The following POLK variants were observed in gnomAD, a reference collection of about 807,000 sequenced individuals.
POLK encodes polymerase (DNA directed) kappa.
A neutral mutation model predicts 94.0 loss-of-function variants in POLK; 76 were observed. That is an observed-to-expected ratio of 0.81 (90% CI 0.67 to 0.98). The LOEUF (loss-of-function observed/expected upper bound fraction) is 0.98. POLK is among the 50% of genes least tolerant of loss of function. The pLI is 0.00. For missense variants in POLK, 954 were observed against 1,010.1 expected, an observed-to-expected ratio of 0.94 and a Z score of 0.75; for synonymous variants, 349 against 325.4, an observed-to-expected ratio of 1.07 and a Z score of -0.78.
At chr5:75,569,665 C>T (rs574840358) in intron 4 of POLK, among the ~76,000 whole-genome samples, 173 bp downstream of exon 4, 1 of 152,126 alleles carries the variant, frequency 6.6e-6, no homozygotes, top group Non-Finnish European at 1.5e-5. Context: ...AGGCAGGGGA[C>T]CCCAACCCCC....
At chr5:75,517,363 T>G (rs893239564) in intron 1 of POLK, among the ~76,000 whole-genome samples, 2 of 152,180 alleles carry the variant, frequency 1.3e-5, no homozygotes, top group Non-Finnish European at 2.9e-5. Flanking sequence ...TTAAGATAAT[T>G]GCTTCGTATT....
chr5:75,573,914 T>C (rs1418045715), intron 5 of POLK, 45 bp downstream of exon 5: 2 of 1,597,950 alleles, frequency 1.3e-6, no homozygotes, highest in African/African-American at 1.3e-5. Flanking sequence ...ACTGAGTTCC[T>C]GTCACCTACA....
intron 4 of POLK, among the ~76,000 whole-genome samples, chr5:75,570,766 G>A (rs938191910): frequency 3.3e-5 from 5 of 152,140 alleles, no homozygotes; most frequent in African/African-American, 1.2e-4. Context: ...AACAAGAAGA[G>A]TTCTTCCCTG....
chr5:75,597,160 G>A lies in POLK; in HGVS notation c.2467G>A (p.Glu823Lys), dbSNP rs370909869. The A allele has an allele frequency of 4.5e-6, 7 of 1,568,054 alleles. No individual in the cohort carries two copies. In the African/African-American group the frequency reaches 8.1e-5, roughly 18 times the overall value. The stretch of plus-strand genomic sequence containing the variant: ...ATTTAACCCAGTTAATCAACCCAAA[G>A]AAAGCTCCAGAAGTACTGGTAAGTG... Residue 823 changes from glutamate to lysine, a missense_variant, in exon 13 of 15, where the codon GAA becomes AAA. By Grantham distance (56) the Glu-to-Lys change is moderately conservative. Coordinates refer to ENST00000241436, the Ensembl canonical transcript of POLK.
chr5:75,557,497 A>T (rs1180724611), intron 3 of POLK, among the ~76,000 whole-genome samples: 1 of 152,218 alleles, frequency 6.6e-6, no homozygotes, highest in Non-Finnish European at 1.5e-5. Flanking sequence ...TCCTTGGTTT[A>T]CAATGGAGTT....
At chr5:75,597,409 A>C in intron 13 of POLK, 1 of 467,930 alleles carries the variant, frequency 2.1e-6, no homozygotes, top group Non-Finnish European at 3.7e-6. Context: ...AATGAACTCA[A>C]AGGTTTAAGG....
chr5:75,511,947 T>C, intron 1 of POLK, 33 bp downstream of exon 1: 1 of 873,766 alleles, frequency 1.1e-6, no homozygotes. Context: ...GCTTGTCCCC[T>C]TGGGGCCTTG....
At chr5:75,577,169 G>A (rs1032073153) in intron 6 of POLK, among the ~76,000 whole-genome samples, 9 of 152,182 alleles carry the variant, frequency 5.9e-5, no homozygotes, top group African/African-American at 1.9e-4. Context: ...TTAAGAGTCT[G>A]CAGAGTCCCT....
chr5:75,573,316 G>A (rs1771696330), intron 4 of POLK, among the ~76,000 whole-genome samples: 1 of 151,922 alleles, frequency 6.6e-6, no homozygotes, highest in Non-Finnish European at 1.5e-5. Flanking sequence ...TGAACAACGA[G>A]AACACGTGGA....
intron 1 of POLK, among the ~76,000 whole-genome samples, chr5:75,518,072 T>C (rs1186928414): frequency 2.0e-5 from 3 of 152,220 alleles, no homozygotes; most frequent in Non-Finnish European, 4.4e-5. Context: ...TCAGTAATAT[T>C]GGCCTGTAGT....
intron 2 of POLK, among the ~76,000 whole-genome samples, chr5:75,548,488 T>C (rs972470358): frequency 3.3e-5 from 5 of 149,744 alleles, no homozygotes; most frequent in African/African-American, 1.2e-4. Context: ...TGTATTAATG[T>C]GTTATGTGTA....
intron 1 of POLK, among the ~76,000 whole-genome samples, chr5:75,513,566 C>T (rs1768175649): frequency 6.6e-6 from 1 of 152,138 alleles, no homozygotes; most frequent in African/African-American, 2.4e-5. Context: ...CCTTTTTATC[C>T]TGTTTCCTAT....
At chr5:75,516,110 T>A (rs948663580) in intron 1 of POLK, among the ~76,000 whole-genome samples, 3 of 152,260 alleles carry the variant, frequency 2.0e-5, no homozygotes, top group African/African-American at 7.2e-5. Context: ...GCTCCTTATA[T>A]ATTCTGGTTA....
chr5:75,597,770 G>T lies in POLK; in HGVS notation c.2509G>T (p.Ala837Ser), dbSNP rs763493201. The T allele has an allele frequency of 2.6e-6, 4 of 1,525,336 alleles. No homozygotes were observed. The South Asian group carries it at 5.4e-5, about 21-fold the overall frequency. 94.5% of individuals were successfully genotyped at this position (1,525,336 alleles called of 1,614,324 possible). Residue 837 changes from alanine (A) to serine (S), a missense_variant, in exon 14 of 15, where the codon GCT becomes TCT. Transcript: ENST00000241436. ...AGGTAGCTCAAGTGGAGTACAGAAG[G>T]CTGTAACAAGAACAAAAAGGTATGG...
chr5:75,586,314 A>ATT (rs1772468598), intron 9 of POLK, among the ~76,000 whole-genome samples: 2 of 152,064 alleles, frequency 1.3e-5, no homozygotes, highest in African/African-American at 4.8e-5. Context: ...TTACTACTAT[A>ATT]TTTGTTATCT....
chr5:75,578,957 T>C (rs1772058008), intron 6 of POLK, among the ~76,000 whole-genome samples: 1 of 152,246 alleles, frequency 6.6e-6, no homozygotes, highest in Non-Finnish European at 1.5e-5. Flanking sequence ...ACATTCTGAT[T>C]ACCTTAGTTA....
At chr5:75,600,310 G>A (rs1773269414) in exon 15 of POLK, 1 of 152,130 alleles carries the variant, frequency 6.6e-6, no homozygotes, top group Non-Finnish European at 1.5e-5. Context: ...TTGCAAAAAT[G>A]AAATGATCTA....
the POLK span, among the ~76,000 whole-genome samples, chr5:75,608,283 T>C: frequency 8.4e-4 from 128 of 152,122 alleles, no homozygotes; most frequent in African/African-American, 3.0e-3. Context: ...AGCCTTGACC[T>C]CCGTGGCTCA....
At chr5:75,518,949 A>G (rs1351678267) in intron 1 of POLK, among the ~76,000 whole-genome samples, 1 of 152,144 alleles carries the variant, frequency 6.6e-6, no homozygotes, top group African/African-American at 2.4e-5. Flanking sequence ...GGTTCAGGTG[A>G]TGCTCCTGCC....
Sources: gnomAD v4.1 joint callset for allele counts (sites outside exome capture counted in the v4.1 genomes callset) on GRCh38, gnomAD v4.1.1 for gene constraint, MANE v1.5 for transcripts, NCBI Gene and HGNC (gene_info 2026-07-23, HGNC 2026-07-21) for gene names.